The following PHF20 variants were observed in gnomAD, a reference collection of about 807,000 sequenced individuals.
PHF20 encodes the protein glioma-expressed antigen 2.
PHF20 carries 23 observed loss-of-function variants against 113.5 expected under a neutral mutation model. The observed-to-expected ratio is 0.20, with a 90% confidence interval of 0.15 to 0.29. The LOEUF is 0.29. Among genes scored for constraint, PHF20 ranks in the 10% least tolerant of loss-of-function variants. PHF20 has a pLI of 1.00. For missense variants in PHF20, 943 were observed against 1,219.6 expected (o/e 0.77, Z 3.38); for synonymous variants, 434 against 457.3 (o/e 0.95, Z 0.65).
intron 2 of PHF20, among the ~76,000 whole-genome samples, chr20:35,808,692 C>T (rs1228394245): frequency 2.0e-5 from 3 of 152,060 alleles, no homozygotes; most frequent in Non-Finnish European, 4.4e-5. Flanking sequence ...CCTGCCTCAG[C>T]CTCCCGAGTA....
At chr20:35,862,553 C>T (rs557547902) in intron 5 of PHF20, among the ~76,000 whole-genome samples, 58 of 152,242 alleles carry the variant, frequency 3.8e-4, no homozygotes, top group Admixed American at 1.1e-3. Flanking sequence ...CATAGGGAGA[C>T]CCTATTGCTA....
rs746179704 is a variant in PHF20 at position 35,863,136 on chromosome 20, G to T, written c.544G>T (p.Asp182Tyr). Residue 182 changes from aspartate (D) to tyrosine (Y), a missense_variant, in exon 6 of 18, where the codon GAT becomes TAT. Around this residue, in one of 3 missense-constraint regions of PHF20, gnomAD observed 592 missense variants for 787.2 expected, o/e 0.75. Coordinates refer to ENST00000374012, the MANE Select transcript of PHF20 (RefSeq NM_016436.5). Reference sequence around the variant, plus strand: ...AGTGAATGTGAAGAAAGACAAAGAAGATAAACCCTTAAAGACAGAAAAGCG... The same window carrying T: ...AGTGAATGTGAAGAAAGACAAAGAATATAAACCCTTAAAGACAGAAAAGCG... ...ATVNVKKDKEDKPLKTEKRPK... is the reference protein window; with the variant it reads ...ATVNVKKDKEYKPLKTEKRPK... 6.2e-7 allele frequency: 1 copy of T among 1,613,092 alleles called. No homozygotes were observed. The highest frequency in any genetic ancestry group is 8.5e-7 in the Non-Finnish European group (1 of 1,179,672).
At chr20:35,833,236 G>T (rs1250061751) in intron 2 of PHF20, among the ~76,000 whole-genome samples, 4 of 151,978 alleles carry the variant, frequency 2.6e-5, no homozygotes, top group Non-Finnish European at 5.9e-5. Flanking sequence ...GTCTTCTGTG[G>T]CTTCTTGGTT....
intron 13 of PHF20, among the ~76,000 whole-genome samples, chr20:35,926,724 A>ATATC (rs1201470314): frequency 6.6e-6 from 1 of 152,100 alleles, no homozygotes; most frequent in Non-Finnish European, 1.5e-5. Context: ...TAGAGGCCTT[A>ATATC]TATCTGCTCA....
At chr20:35,850,549 GT>G (rs1273339808) in intron 4 of PHF20, 1 of 147,472 alleles carries the variant, frequency 6.8e-6, no homozygotes, top group Non-Finnish European at 1.3e-5. Flanking sequence ...ATCTTAATGG[GT>G]ACACAGTGCT....
At chr20:35,779,525 CTTT>C (rs11167277) in intron 1 of PHF20, among the ~76,000 whole-genome samples, 2 of 138,098 alleles carry the variant, frequency 1.4e-5, no homozygotes, top group African/African-American at 2.7e-5. Flanking sequence ...TCCTTTCTTT[CTTT>C]TTTTTTTTTT....
chr20:35,845,779 T>G (rs2042612517), intron 3 of PHF20, among the ~76,000 whole-genome samples: 1 of 145,436 alleles, frequency 6.9e-6, no homozygotes, highest in Admixed American at 6.8e-5. Context: ...TATTTTTCTT[T>G]CTTTTTTTTT....
chr20:35,945,184 G>A (rs1200678565), intron 17 of PHF20, among the ~76,000 whole-genome samples: 2 of 152,140 alleles, frequency 1.3e-5, no homozygotes, highest in African/African-American at 4.8e-5. Context: ...TGGGTAGGGC[G>A]CTTTGCTGGA....
In PHF20 at chr20:35,949,197, A is replaced by G. The variant is rs1406314133; in HGVS notation, c.*1570A>G. On this transcript the variant is annotated 3_prime_UTR_variant, in exon 18 of 18. Coordinates refer to ENST00000374012, the MANE Select transcript of PHF20 (RefSeq NM_016436.5). The stretch of plus-strand genomic sequence containing the variant: ...TCTATAACAAAACGACGATTCCTCT[A>G]CAAGAGGCTGTTTCTCACTGCTAAC... 6.6e-6 allele frequency: 1 copy of G among 152,522 alleles called. No homozygotes were observed. The highest frequency in any genetic ancestry group is 1.5e-5 in the Non-Finnish European group (1 of 68,048). 9.4% of individuals were successfully genotyped at this position (152,522 alleles called of 1,614,324 possible). A position where few individuals can be genotyped will look rare whatever the true frequency, so the allele number is the denominator to read the frequency against.
In PHF20 at chr20:35,939,041, G is replaced by A. The variant is rs1350521745; in HGVS notation, c.2645G>A (p.Arg882His). Residue 882 changes from arginine to histidine, a missense_variant, in exon 16 of 18, where the codon CGC (arginine) becomes CAC (histidine). Coordinates refer to ENST00000374012, the MANE Select transcript of PHF20 (RefSeq NM_016436.5). ...HENGDDSLSPRLGWPLDQDRS... is the reference protein window; with the variant it reads ...HENGDDSLSPHLGWPLDQDRS... Reference sequence around the variant, plus strand: ...AACGGCGATGATTCCCTTTCCCCGCGCCTGGGCTGGCCTCTAGACCAAGAC... The same window carrying A: ...AACGGCGATGATTCCCTTTCCCCGCACCTGGGCTGGCCTCTAGACCAAGAC... 2.2e-5 allele frequency: 36 copies of A among 1,614,036 alleles called. No homozygotes were observed. The highest frequency in any genetic ancestry group is 1.6e-4 in the Middle Eastern group (1 of 6,084).
At chr20:35,828,612 G>C (rs1310187815) in intron 2 of PHF20, among the ~76,000 whole-genome samples, 1 of 152,210 alleles carries the variant, frequency 6.6e-6, no homozygotes, top group East Asian at 1.9e-4. Context: ...GGGCAGGCAT[G>C]TCAACACTGT....
chr20:35,917,774 G>A, intron 13 of PHF20, 112 bp downstream of exon 13: 6 of 874,190 alleles, frequency 6.9e-6, no homozygotes, highest in East Asian at 5.1e-5. Flanking sequence ...AACACAGCAC[G>A]AACGGCAGCA....
chr20:35,782,386 G>A (rs1384638806), intron 1 of PHF20: 2 of 151,488 alleles, frequency 1.3e-5, no homozygotes, highest in African/African-American at 2.4e-5. Context: ...CTGGATTCAA[G>A]CAATTCTCCT....
rs182756367 is a variant in PHF20 at position 35,777,389 on chromosome 20, T to A, written c.-33+5310T>A. Among the ~76,000 whole-genome samples, 13 of 152,362 alleles carry A rather than the reference T, an allele frequency of 8.5e-5. No homozygotes were observed. In the East Asian group the frequency reaches 2.3e-3, roughly 27 times the overall value. On this transcript the variant is annotated intron_variant, in intron 1 of 17. Coordinates refer to ENST00000374012, the MANE Select transcript of PHF20 (RefSeq NM_016436.5). ...GGGGAAAGTATGAGATGTAATGTTT[T>A]TAGTCCCCTTCCCCAAGATCTCCTG... is the stretch of plus-strand genomic sequence containing the variant.
intron 2 of PHF20, among the ~76,000 whole-genome samples, chr20:35,841,232 C>A (rs1017313587): frequency 3.2e-4 from 48 of 152,100 alleles, no homozygotes; most frequent in African/African-American, 6.5e-4. Context: ...GTAGTCTCAA[C>A]TACTTGGGAG....
intron 9 of PHF20, among the ~76,000 whole-genome samples, chr20:35,898,022 T>G (rs545066560): frequency 6.6e-5 from 10 of 152,088 alleles, no homozygotes; most frequent in Admixed American, 6.6e-5. Context: ...ATTACAGGCA[T>G]GTGCCACCAT....
intron 9 of PHF20, chr20:35,878,575 A>C: frequency 1.3e-6 from 1 of 747,452 alleles, no homozygotes; most frequent in South Asian, 1.4e-5. Flanking sequence ...GTTTTGCAGC[A>C]ATTGTTGCAT....
At chr20:35,841,466 C>CT (rs1200195427) in intron 2 of PHF20, among the ~76,000 whole-genome samples, 5 of 151,966 alleles carry the variant, frequency 3.3e-5, no homozygotes, top group Non-Finnish European at 5.9e-5. Context: ...TCATCTTGTT[C>CT]TTTTTAATAA....
rs368831071 is a variant in PHF20 at position 35,912,645 on chromosome 20, G to A, written c.1562-604G>A. The stretch of plus-strand genomic sequence containing the variant: ...TCAGGAGTTCAAGACCAGCCTGGCC[G>A]AAATAGTGAAACCCCATCTCTACTA... On this transcript the variant is annotated intron_variant, in intron 10 of 17. Coordinates refer to ENST00000374012, the MANE Select transcript of PHF20 (RefSeq NM_016436.5). Among the ~76,000 whole-genome samples the A allele has an allele frequency of 2.0e-4, 31 of 152,092 alleles. 1 individual carries two copies. Among genetic ancestry groups the A allele is most frequent in the East Asian group, 1.4e-3 (7 of 5,148 alleles).
Sources: allele counts gnomAD v4.1 joint callset (sites outside exome capture counted in the v4.1 genomes callset), GRCh38; gene constraint gnomAD v4.1.1; regional missense constraint gnomAD v4.1.1; transcripts MANE v1.5; gene names NCBI Gene and HGNC (gene_info 2026-07-23, HGNC 2026-07-21).